ADAM18: variants seen among roughly 807,000 people sequenced by gnomAD.
ADAM18 encodes disintegrin and metalloproteinase domain-containing protein 18.
Under a neutral mutation model 94.4 loss-of-function variants are expected in ADAM18, and 117 were observed. That is an observed-to-expected ratio of 1.24 (90% CI 1.07 to 1.45). ADAM18 has a LOEUF of 1.45. Among genes scored for constraint, ADAM18 ranks in the 40% most tolerant of loss-of-function variants. The pLI, the probability that ADAM18 is intolerant of heterozygous loss-of-function variation, is 0.00. For missense variants in ADAM18, 936 were observed against 880.0 expected, an observed-to-expected ratio of 1.06 and a Z score of -0.81; for synonymous variants, 327 against 291.6, an observed-to-expected ratio of 1.12 and a Z score of -1.24.
chr8:39,602,056 C>G (rs1213109650), intron 2 of ADAM18, among the ~76,000 whole-genome samples: 1 of 152,066 alleles, frequency 6.6e-6, no homozygotes, highest in African/African-American at 2.4e-5. Flanking sequence ...TTTTATTCGT[C>G]TATTCGTTAC....
At chr8:39,639,903 T>C (rs1820189087) in intron 10 of ADAM18, among the ~76,000 whole-genome samples, 1 of 152,126 alleles carries the variant, frequency 6.6e-6, no homozygotes, top group South Asian at 2.1e-4. Context: ...TTGTATTATG[T>C]GTATCCCTCT....
In ADAM18 at chr8:39,610,541, G is replaced by A. The variant is rs771309353; in HGVS notation, c.357G>A (p.Gln119=). 2.5e-6 allele frequency: 4 copies of A among 1,603,630 alleles called. No homozygotes were observed. The Admixed American group carries it at 6.8e-5, about 27-fold the overall frequency. The change falls in exon 6 of 20, where the codon CAG becomes CAA. Residue 119 remains glutamine (Q), a synonymous_variant. Transcript: ENST00000265707. ...SICSGLRGFL[Q]FENISYGIEP... ...TCTAAATTTTCAGGGGATTTCTCCA[G>A]TTTGAAAATATCAGTTATGGAATTG...
At chr8:39,618,750 T>G (rs182644172) in intron 6 of ADAM18, among the ~76,000 whole-genome samples, 36 of 152,254 alleles carry the variant, frequency 2.4e-4, no homozygotes, top group Admixed American at 1.4e-3. Context: ...GTTTATAGAC[T>G]CCCGCAAGGG....
chr8:39,677,541 G>C lies in ADAM18; in HGVS notation c.1631+5G>C. On this transcript the variant is annotated splice_donor_5th_base_variant and intron_variant, in intron 15 of 19. Coordinates refer to ENST00000265707, the MANE Select transcript of ADAM18 (RefSeq NM_014237.3). ...ACCATTACCTTGTGAACGGAAGTAC[G>C]TATGTAGAAAATGATTGCTTCTTTG... The C allele has an allele frequency of 3.8e-6, 6 of 1,575,702 alleles. No individual in the cohort carries two copies. The highest frequency in any genetic ancestry group is 5.2e-6 in the Non-Finnish European group (6 of 1,162,150).
chr8:39,627,644 G>C (rs1025844899), intron 6 of ADAM18, among the ~76,000 whole-genome samples: 1 of 151,892 alleles, frequency 6.6e-6, no homozygotes, highest in Non-Finnish European at 1.5e-5. Flanking sequence ...GCAGATGTTT[G>C]GTTTGTGATT....
At position 39,680,036 on chromosome 8, in the gene ADAM18, G is replaced by A. The variant is rs755851228; in HGVS notation, c.1632-1G>A. On this transcript the variant is annotated splice_acceptor_variant, in intron 15 of 19. Coordinates refer to ENST00000265707, the MANE Select transcript of ADAM18 (RefSeq NM_014237.3). LOFTEE classifies it high-confidence loss of function. ...AGGAACTTTTTGCTTTCCACTTCCA[G>A]GGATGTTCTCTGTGGAAAATTAGCT... is the stretch of plus-strand genomic sequence containing the variant. 3.1e-6 allele frequency: 5 copies of A among 1,613,244 alleles called. No individual in the cohort carries two copies. The Admixed American group carries it at 8.4e-5, about 27-fold the overall frequency.
At chr8:39,713,913 C>T (rs1822495120) in intron 18 of ADAM18, among the ~76,000 whole-genome samples, 1 of 152,096 alleles carries the variant, frequency 6.6e-6, no homozygotes, top group Non-Finnish European at 1.5e-5. Context: ...CTAGAATTAC[C>T]ATTTGACCCA....
intron 3 of ADAM18, among the ~76,000 whole-genome samples, chr8:39,608,281 G>A (rs1819152347): frequency 6.6e-6 from 1 of 151,650 alleles, no homozygotes; most frequent in African/African-American, 2.4e-5. Context: ...ACATCTAAAT[G>A]TCTCCCTGTT....
At chr8:39,690,497 A>T (rs939205644) in intron 16 of ADAM18, among the ~76,000 whole-genome samples, 1 of 152,136 alleles carries the variant, frequency 6.6e-6, no homozygotes, top group African/African-American at 2.4e-5. Context: ...TAATCTTCAT[A>T]TGGCATATAC....
chr8:39,725,375 A>G (rs1822874228), intron 19 of ADAM18, among the ~76,000 whole-genome samples: 1 of 152,044 alleles, frequency 6.6e-6, no homozygotes, highest in Non-Finnish European at 1.5e-5. Context: ...CTACCCTCTT[A>G]GCAAATATCA....
At chr8:39,696,177 A>G (rs1821922643) in intron 17 of ADAM18, among the ~76,000 whole-genome samples, 1 of 151,446 alleles carries the variant, frequency 6.6e-6, no homozygotes, top group Non-Finnish European at 1.5e-5. Context: ...CCTTATTGGC[A>G]ATCCATATAC....
intron 7 of ADAM18, among the ~76,000 whole-genome samples, chr8:39,633,621 T>C (rs544379721): frequency 3.9e-4 from 59 of 152,252 alleles, no homozygotes; most frequent in African/African-American, 1.3e-3. Flanking sequence ...GCCCATGCCA[T>C]AGAACTTTAT....
chr8:39,699,746 A>G lies in ADAM18; in HGVS notation c.1903-7044A>G, dbSNP rs796392614. On this transcript the variant is annotated intron_variant, in intron 17 of 19. Transcript: ENST00000265707. The stretch of plus-strand genomic sequence containing the variant: ...CCTGCAGGTGATGAGGTTGTAGAGT[A>G]AATATTGTTTCAATGAGAAGGATCT... Among the ~76,000 whole-genome samples, 8 of 152,294 alleles carry G rather than the reference A, an allele frequency of 5.3e-5. 1 individual carries two copies. The highest frequency in any genetic ancestry group is 1.9e-4 in the African/African-American group (8 of 41,564).
chr8:39,666,907 G>T (rs1279571505), intron 13 of ADAM18, among the ~76,000 whole-genome samples: 3 of 152,048 alleles, frequency 2.0e-5, no homozygotes, highest in Admixed American at 6.6e-5. Context: ...GTGTGTGTTT[G>T]TGTGTGTGTT....
chr8:39,619,617 A>T (rs1819548566), intron 6 of ADAM18, among the ~76,000 whole-genome samples: 1 of 152,170 alleles, frequency 6.6e-6, no homozygotes, highest in Non-Finnish European at 1.5e-5. Flanking sequence ...CTGATAAAGA[A>T]TTCAAGAAAA....
At chr8:39,599,681 A>C (rs1351186182) in intron 2 of ADAM18, among the ~76,000 whole-genome samples, 1 of 152,096 alleles carries the variant, frequency 6.6e-6, no homozygotes, top group Non-Finnish European at 1.5e-5. Flanking sequence ...CATGTTTTTG[A>C]TGCTTGTGTA....
At chr8:39,618,393 G>T (rs1273789450) in intron 6 of ADAM18, among the ~76,000 whole-genome samples, 1 of 152,108 alleles carries the variant, frequency 6.6e-6, no homozygotes, top group African/African-American at 2.4e-5. Context: ...GGTCACATGG[G>T]GATGAACTAA....
At chr8:39,601,768 C>T (rs1249863140) in intron 2 of ADAM18, among the ~76,000 whole-genome samples, 3 of 152,140 alleles carry the variant, frequency 2.0e-5, no homozygotes, top group Non-Finnish European at 4.4e-5. Context: ...TGCAACAAAT[C>T]TCTAGAATTT....
intron 9 of ADAM18, among the ~76,000 whole-genome samples, chr8:39,638,218 A>G (rs761749414): frequency 6.6e-6 from 1 of 151,832 alleles, no homozygotes. Flanking sequence ...AATTATATCC[A>G]TTTTAGGAGA....
Sources: gnomAD v4.1 joint callset for allele counts (sites outside exome capture counted in the v4.1 genomes callset) on GRCh38, gnomAD v4.1.1 for gene constraint, MANE v1.5 for transcripts, NCBI Gene and HGNC (gene_info 2026-07-23, HGNC 2026-07-21) for gene names.